KLHL8: variants seen among roughly 807,000 people sequenced by gnomAD.
The protein encoded by KLHL8 is kelch like family member 8, also known as kelch-like protein 8.
In KLHL8, 38 loss-of-function variants were observed where a neutral mutation model predicts 63.5. The ratio of observed to expected loss-of-function variants is 0.60; its 90% CI spans 0.46 to 0.78. KLHL8 has a LOEUF of 0.78. Ranked by LOEUF, KLHL8 falls within the 30% of genes least tolerant of loss-of-function variation. The pLI is 0.00. For synonymous variants in KLHL8, 224 were observed against 254.3 expected, an observed-to-expected ratio of 0.88 and a Z score of 1.13; for missense variants, 566 against 752.4, an observed-to-expected ratio of 0.75 and a Z score of 2.90.
intron 1 of KLHL8, among the ~76,000 whole-genome samples, chr4:87,204,750 CT>C (rs1259959296): frequency 2.2e-4 from 33 of 152,204 alleles, no homozygotes; most frequent in African/African-American, 7.2e-4. Context: ...ATATGATATC[CT>C]CAAAAGGATA....
chr4:87,178,536 C>T lies in KLHL8; in HGVS notation c.1037G>A (p.Trp346Ter), dbSNP rs200504438. ...ACTATTCATTTCTGGTCCAAAGAAC[C>T]AACTGTTTTTGTTGATAGAATAGCA... ...IECYSINKNSWFFGPEMNSRR... is the reference protein window; with the variant it reads ...IECYSINKNS The change falls in exon 5 of 10, where the codon TGG (tryptophan) becomes TAG (stop). Residue 346 changes from tryptophan to a stop codon, truncating the protein, a stop_gained. Coordinates refer to ENST00000273963, the MANE Select transcript of KLHL8 (RefSeq NM_020803.5). LOFTEE classifies it high-confidence loss of function. 1 of 1,610,922 alleles carries T rather than the reference C, an allele frequency of 6.2e-7. No homozygotes were observed. Among genetic ancestry groups the T allele is most frequent in the Admixed American group, 1.7e-5 (1 of 59,132 alleles).
intron 1 of KLHL8, among the ~76,000 whole-genome samples, chr4:87,200,385 C>T (rs973721197): frequency 2.8e-4 from 42 of 152,150 alleles, no homozygotes; most frequent in Admixed American, 2.7e-3. Flanking sequence ...TAAATTATCT[C>T]TAGATTACTT....
chr4:87,215,368 T>C (rs982835263), intron 1 of KLHL8, among the ~76,000 whole-genome samples: 3 of 152,250 alleles, frequency 2.0e-5, no homozygotes, highest in African/African-American at 4.8e-5. Flanking sequence ...TATTTCAGAC[T>C]TCTCAGACTA....
At chr4:87,187,783 A>G (rs943619010) in intron 2 of KLHL8, among the ~76,000 whole-genome samples, 1 of 152,122 alleles carries the variant, frequency 6.6e-6, no homozygotes, top group African/African-American at 2.4e-5. Flanking sequence ...TCTTTTTAAT[A>G]CAGTATTTAT....
chr4:87,204,956 G>C lies in KLHL8; in HGVS notation c.-151-9266C>G, dbSNP rs923204943. ...CACATTTGTTAAAATTCATGGACTT[G>C]TACCCCAAAAATGTCAATTTTGCTA... On this transcript the variant is annotated intron_variant, in intron 1 of 9. Transcript: ENST00000273963. 3.3e-5 allele frequency among the ~76,000 whole-genome samples: 5 copies of C among 152,092 alleles called. 1 individual carries two copies. The highest frequency in any genetic ancestry group is 7.4e-5 in the Non-Finnish European group (5 of 68,004).
chr4:87,206,350 T>C (rs1331486436), intron 1 of KLHL8, among the ~76,000 whole-genome samples: 1 of 152,206 alleles, frequency 6.6e-6, no homozygotes, highest in Non-Finnish European at 1.5e-5. Flanking sequence ...CTGCTTAATG[T>C]ATGTAGCTCA....
chr4:87,199,142 G>A (rs1406994397), intron 1 of KLHL8, among the ~76,000 whole-genome samples: 2 of 151,948 alleles, frequency 1.3e-5, no homozygotes, highest in African/African-American at 4.8e-5. Context: ...AAAGGAATTG[G>A]ATAGAAAGAA....
chr4:87,214,305 A>AT (rs1732506949), intron 1 of KLHL8, among the ~76,000 whole-genome samples: 1 of 150,916 alleles, frequency 6.6e-6, no homozygotes, highest in African/African-American at 2.4e-5. Flanking sequence ...TAAGTTACAT[A>AT]ACGTTTCATT....
At chr4:87,164,140 C>T in intron 8 of KLHL8, 61 bp from the exon 9 acceptor site, 1 of 1,389,040 alleles carries the variant, frequency 7.2e-7, no homozygotes, top group East Asian at 2.4e-5. Context: ...TACTAAATTT[C>T]AATTCAATGG....
chr4:87,214,498 T>C (rs1214052880), intron 1 of KLHL8, among the ~76,000 whole-genome samples: 5 of 146,898 alleles, frequency 3.4e-5, no homozygotes, highest in Middle Eastern at 3.7e-3. Flanking sequence ...TGTATTCATT[T>C]CAATCCTTGG....
At chr4:87,215,471 A>C (rs138447378) in intron 1 of KLHL8, among the ~76,000 whole-genome samples, 23 of 152,320 alleles carry the variant, frequency 1.5e-4, no homozygotes, top group Admixed American at 1.4e-3. Context: ...TTCAACTTTA[A>C]ATGAAAATAT....
At chr4:87,199,779 G>A (rs1731838585) in intron 1 of KLHL8, among the ~76,000 whole-genome samples, 1 of 151,942 alleles carries the variant, frequency 6.6e-6, no homozygotes, top group Non-Finnish European at 1.5e-5. Context: ...GATCACTTGA[G>A]CCCAGGAGTT....
chr4:87,193,193 G>A (rs550151708), intron 2 of KLHL8, among the ~76,000 whole-genome samples: 1 of 152,128 alleles, frequency 6.6e-6, no homozygotes, highest in East Asian at 1.9e-4. Flanking sequence ...CACACACATT[G>A]CACAGCTCTA....
At chr4:87,206,227 T>C (rs1285369270) in intron 1 of KLHL8, among the ~76,000 whole-genome samples, 1 of 152,174 alleles carries the variant, frequency 6.6e-6, no homozygotes, top group Non-Finnish European at 1.5e-5. Flanking sequence ...CATACTAACC[T>C]GGATTGTAGT....
chr4:87,190,477 T>C (rs1731439068), intron 2 of KLHL8, among the ~76,000 whole-genome samples: 1 of 152,036 alleles, frequency 6.6e-6, no homozygotes, highest in Admixed American at 6.6e-5. Flanking sequence ...AAACCCCATC[T>C]CTATAAAAAT....
chr4:87,229,086 C>T lies in KLHL8; in HGVS notation n.58-7696G>A, dbSNP rs546200173. Among the ~76,000 whole-genome samples the T allele has an allele frequency of 5.9e-5, 9 of 152,356 alleles. No individual in the cohort carries two copies. The South Asian group carries it at 1.5e-3, about 25-fold the overall frequency. ...AAGAAAAACTTTTAGCCTGTTTCCT[C>T]ACAGGTGAAACTAGACTATTAGAAT... On this transcript the variant is annotated intron_variant and non_coding_transcript_variant, in intron 1 of 1. Coordinates refer to the KLHL8 transcript ENST00000506274.
At chr4:87,206,880 C>CA (rs1222224684) in intron 1 of KLHL8, among the ~76,000 whole-genome samples, 1 of 152,182 alleles carries the variant, frequency 6.6e-6, no homozygotes, top group Non-Finnish European at 1.5e-5. Flanking sequence ...CTGCTTAACA[C>CA]AGTCTACTCT....
intron 8 of KLHL8, among the ~76,000 whole-genome samples, chr4:87,164,932 A>G (rs1017027437): frequency 1.3e-5 from 2 of 152,024 alleles, no homozygotes; most frequent in Non-Finnish European, 2.9e-5. Context: ...GCCGATCACG[A>G]GGTCAGGAGA....
Position 87,190,033 on chromosome 4 carries a change from CAA to C in KLHL8, c.217-4236_217-4235del, listed in dbSNP as rs35607781. On this transcript the variant is annotated intron_variant, in intron 2 of 9. Coordinates refer to ENST00000273963, the MANE Select transcript of KLHL8 (RefSeq NM_020803.5). ...TGGGCAACAGAGTGAGCCTCCATCT[CAA>C]AAAAAAAAAAAAAAAAAAGAATTTT... Among the ~76,000 whole-genome samples, 572 of 76,720 alleles carry C rather than the reference CAA, an allele frequency of 7.5e-3. 2 individuals carry two copies. The highest frequency in any genetic ancestry group is 0.027 in the African/African-American group (440 of 16,192). The allele number at this position is 76,720 out of a possible 152,430, so 50.3% of individuals were successfully genotyped here.
Sources: allele counts gnomAD v4.1 joint callset (sites outside exome capture counted in the v4.1 genomes callset), GRCh38; gene constraint gnomAD v4.1.1; transcripts MANE v1.5; gene names NCBI Gene and HGNC (gene_info 2026-07-23, HGNC 2026-07-21).